PTPRD: variants seen among roughly 807,000 people sequenced by gnomAD.
PTPRD encodes protein tyrosine phosphatase receptor type D.
In PTPRD, 34 loss-of-function variants were observed where a neutral mutation model predicts 214.5. The observed-to-expected ratio is 0.16, with a 90% CI of 0.12 to 0.21. The LOEUF is 0.21. PTPRD is among the 10% of genes least tolerant of loss of function. PTPRD has a pLI of 1.00. For synonymous variants in PTPRD, 1,128 were observed against 845.7 expected (o/e 1.33, Z -5.79); for missense variants, 2,545 against 2,398.7 (o/e 1.06, Z -1.27).
chr9:10,106,038 G>C (rs1309235708), intron 3 of PTPRD, among the ~76,000 whole-genome samples: 1 of 116,866 alleles, frequency 8.6e-6, no homozygotes, highest in African/African-American at 3.3e-5. Flanking sequence ...AAAAAAAAAA[G>C]GACATTCTTT....
At chr9:9,405,221 C>T (rs915703324) in intron 8 of PTPRD, among the ~76,000 whole-genome samples, 1 of 152,044 alleles carries the variant, frequency 6.6e-6, no homozygotes, top group Non-Finnish European at 1.5e-5. Context: ...AAAGCAGATA[C>T]AACAAATTTA....
At chr9:9,477,272 G>T (rs889856092) in intron 8 of PTPRD, among the ~76,000 whole-genome samples, 2 of 152,114 alleles carry the variant, frequency 1.3e-5, no homozygotes, top group Non-Finnish European at 1.5e-5. Context: ...ATGTGTACTT[G>T]CCTCTAACCG....
intron 4 of PTPRD, among the ~76,000 whole-genome samples, chr9:9,955,003 G>C (rs912100683): frequency 2.0e-5 from 3 of 152,024 alleles, no homozygotes; most frequent in Non-Finnish European, 2.9e-5. Flanking sequence ...AATGTTAAAG[G>C]CCTCCCACTA....
At chr9:8,704,804 T>C (rs1368260660) in intron 12 of PTPRD, among the ~76,000 whole-genome samples, 2 of 151,046 alleles carry the variant, frequency 1.3e-5, no homozygotes, top group Non-Finnish European at 2.9e-5. Flanking sequence ...GCACCTGTAA[T>C]CCCAGCTACT....
intron 14 of PTPRD, among the ~76,000 whole-genome samples, chr9:8,529,026 G>C (rs995115217): frequency 6.6e-6 from 1 of 152,104 alleles, no homozygotes; most frequent in Admixed American, 6.6e-5. Context: ...GATGCAGTGA[G>C]TTTTCCAAGA....
chr9:8,611,748 G>A (rs959194290), intron 14 of PTPRD, among the ~76,000 whole-genome samples: 10 of 127,938 alleles, frequency 7.8e-5, no homozygotes, highest in Admixed American at 5.1e-4. Context: ...GAAAAGAAAA[G>A]AAAAGAGAAA....
intron 27 of PTPRD, among the ~76,000 whole-genome samples, chr9:8,487,051 C>T (rs2097034771): frequency 6.6e-6 from 1 of 151,972 alleles, no homozygotes; most frequent in Non-Finnish European, 1.5e-5. Context: ...ATTTAATTTG[C>T]ACTTTCTAAC....
At chr9:8,515,329 T>G (rs972518371) in intron 21 of PTPRD, among the ~76,000 whole-genome samples, 1 of 152,218 alleles carries the variant, frequency 6.6e-6, no homozygotes, top group Non-Finnish European at 1.5e-5. Context: ...GTCCTCCATA[T>G]GTTAGCTACT....
At chr9:10,153,462 G>A (rs1291582081) in intron 3 of PTPRD, among the ~76,000 whole-genome samples, 1 of 150,440 alleles carries the variant, frequency 6.6e-6, no homozygotes, top group East Asian at 1.9e-4. Flanking sequence ...TACACTTTGG[G>A]CATTTACTTT....
intron 10 of PTPRD, among the ~76,000 whole-genome samples, chr9:9,106,697 G>A (rs150177473): frequency 6.9e-6 from 1 of 143,996 alleles, no homozygotes; most frequent in African/African-American, 2.5e-5. Context: ...TAGAATTTAA[G>A]AAATATTGAG....
intron 11 of PTPRD, among the ~76,000 whole-genome samples, chr9:8,822,333 CAGAT>C (rs2097086618): frequency 6.6e-6 from 1 of 151,506 alleles, no homozygotes; most frequent in East Asian, 2.0e-4. Context: ...AAAGCAAACT[CAGAT>C]AGAGAAATAA....
chr9:8,921,056 C>G (rs1441749065), intron 11 of PTPRD, among the ~76,000 whole-genome samples: 1 of 152,086 alleles, frequency 6.6e-6, no homozygotes, highest in African/African-American at 2.4e-5. Context: ...TCTGGCAATC[C>G]GCGCGCCTCG....
chr9:8,401,647 T>G lies in PTPRD; in HGVS notation c.4210+2890A>C, dbSNP rs191668417. Among the ~76,000 whole-genome samples, 3 of 152,220 alleles carry G rather than the reference T, an allele frequency of 2.0e-5. No individual in the cohort carries two copies. In the East Asian group the frequency reaches 5.8e-4, roughly 29 times the overall value. ...TAAGCACATTACTGCCCACACACAA[T>G]TCCTGATTCTTTTAATTTTTCCCTG... On this transcript the variant is annotated intron_variant, in intron 36 of 45. Transcript: ENST00000381196.
chr9:10,411,956 T>A (rs1292217734), intron 2 of PTPRD, among the ~76,000 whole-genome samples: 1 of 151,860 alleles, frequency 6.6e-6, no homozygotes, highest in African/African-American at 2.4e-5. Flanking sequence ...TAAATTGTTC[T>A]TAATATAACA....
chr9:10,510,828 T>C (rs557892672), intron 2 of PTPRD, among the ~76,000 whole-genome samples: 82 of 152,206 alleles, frequency 5.4e-4, no homozygotes, highest in African/African-American at 1.8e-3. Context: ...TTTGTACCTA[T>C]TAACCAACCC....
intron 3 of PTPRD, among the ~76,000 whole-genome samples, chr9:10,264,795 T>C (rs1205289939): frequency 6.6e-6 from 1 of 152,090 alleles, no homozygotes; most frequent in Non-Finnish European, 1.5e-5. Context: ...TTTTGCTGTG[T>C]TCCCACCCAA....
intron 6 of PTPRD, among the ~76,000 whole-genome samples, chr9:9,751,184 A>T (rs2098515120): frequency 6.6e-6 from 1 of 151,780 alleles, no homozygotes; most frequent in Non-Finnish European, 1.5e-5. Context: ...CTTAAAAAAA[A>T]TATTTTTACA....
chr9:8,552,205 A>G (rs924372002), intron 14 of PTPRD, among the ~76,000 whole-genome samples: 1 of 152,158 alleles, frequency 6.6e-6, no homozygotes, highest in African/African-American at 2.4e-5. Flanking sequence ...ACCCAAATCC[A>G]AACCCCATTT....
chr9:8,659,388 T>C (rs1178718048), intron 12 of PTPRD, among the ~76,000 whole-genome samples: 3 of 152,186 alleles, frequency 2.0e-5, no homozygotes, highest in Non-Finnish European at 4.4e-5. Context: ...AGCCAAAATA[T>C]TACACTATCC....
Sources: allele counts gnomAD v4.1 joint callset (sites outside exome capture counted in the v4.1 genomes callset), GRCh38; gene constraint gnomAD v4.1.1; transcripts MANE v1.5; gene names NCBI Gene and HGNC (gene_info 2026-07-23, HGNC 2026-07-21).